TPM3: variants seen among roughly 807,000 people sequenced by gnomAD.
The protein encoded by TPM3 is tropomyosin 3, also known as tropomyosin alpha-3 chain.
In TPM3, 16 loss-of-function variants were observed where a neutral mutation model predicts 43.1. That is an observed-to-expected ratio of 0.37 (90% CI 0.25 to 0.56). The LOEUF is 0.56. Ranked by LOEUF, TPM3 falls within the 20% of genes least tolerant of loss-of-function variation. The pLI is 0.77. For synonymous variants in TPM3, 101 were observed against 116.9 expected, an observed-to-expected ratio of 0.86 and a Z score of 0.88; for missense variants, 176 against 337.2, an observed-to-expected ratio of 0.52 and a Z score of 3.74.
chr1:154,183,535 A>G (rs775259994), intron 2 of TPM3: 19 of 365,572 alleles, frequency 5.2e-5, no homozygotes, highest in South Asian at 1.7e-4. Flanking sequence ...CACTCCCGCA[A>G]TGCCGATACC....
In TPM3 at chr1:154,161,905, T is replaced by G. The variant is rs544220891; in HGVS notation, c.*6032A>C. ...GTCAGAAAGACAAATGCAGCTGTTC[T>G]CTCACTTTGAACTTAGTTTCTAACT... On this transcript the variant is annotated 3_prime_UTR_variant, in exon 10 of 10. Coordinates refer to ENST00000651641, the MANE Select transcript of TPM3 (RefSeq NM_152263.4). 6.6e-6 allele frequency among the ~76,000 whole-genome samples: 1 copy of G among 152,306 alleles called. No homozygotes were observed. The highest frequency in any genetic ancestry group is 6.5e-5 in the Admixed American group (1 of 15,300).
intron 2 of TPM3, chr1:154,187,585 CTA>C: frequency 1.1e-6 from 1 of 871,434 alleles, no homozygotes; most frequent in Non-Finnish European, 1.4e-6. Flanking sequence ...GTGAGGGGTG[CTA>C]TGTGTGTGTA....
chr1:154,185,725 AAAAC>A (rs1251386505), intron 2 of TPM3, among the ~76,000 whole-genome samples: 1 of 151,170 alleles, frequency 6.6e-6, no homozygotes, highest in African/African-American at 2.5e-5. Flanking sequence ...AAAAAAAAGA[AAAAC>A]AACAAAAAAA....
At chr1:154,188,000 G>A (rs1663482799) in intron 2 of TPM3, among the ~76,000 whole-genome samples, 1 of 151,504 alleles carries the variant, frequency 6.6e-6, no homozygotes, top group Admixed American at 6.6e-5. Context: ...AGATTTGGTA[G>A]GGTTGTTTGT....
intron 2 of TPM3, among the ~76,000 whole-genome samples, chr1:154,186,652 G>A (rs1415472143): frequency 6.6e-6 from 1 of 151,424 alleles, no homozygotes; most frequent in African/African-American, 2.5e-5. Context: ...ATTTCATCTT[G>A]GATTAAAATG....
At chr1:154,175,134 A>G (rs1341201955) in intron 3 of TPM3, among the ~76,000 whole-genome samples, 1 of 152,072 alleles carries the variant, frequency 6.6e-6, no homozygotes, top group Non-Finnish European at 1.5e-5. Flanking sequence ...GATCAAGACC[A>G]TCCTGGCTAA....
chr1:154,182,242 G>A (rs899250660), intron 2 of TPM3, among the ~76,000 whole-genome samples: 1 of 152,182 alleles, frequency 6.6e-6, no homozygotes, highest in Non-Finnish European at 1.5e-5. Context: ...GGCAAGTTTG[G>A]TTGGCTCCTA....
intron 8 of TPM3, chr1:154,170,051 G>A: frequency 3.2e-6 from 1 of 313,346 alleles, no homozygotes; most frequent in Non-Finnish European, 6.1e-6. Flanking sequence ...GCCATGAAAT[G>A]ACATACATCT....
downstream of TPM3, among the ~76,000 whole-genome samples, chr1:154,158,303 G>A (rs1660011024): frequency 6.6e-6 from 1 of 152,198 alleles, no homozygotes; most frequent in Non-Finnish European, 1.5e-5. Flanking sequence ...CCTTGAGATT[G>A]CTGCAGAGCT....
At chr1:154,183,122 T>C in intron 2 of TPM3, 1 of 1,598,304 alleles carries the variant, frequency 6.3e-7, no homozygotes, top group Non-Finnish European at 8.5e-7. Flanking sequence ...CCAGCCATGG[T>C]GCCCACCCAG....
chr1:154,178,865 G>T (rs1558055942), intron 2 of TPM3, among the ~76,000 whole-genome samples: 1 of 152,160 alleles, frequency 6.6e-6, no homozygotes, highest in South Asian at 2.1e-4. Flanking sequence ...AAAGATCCTG[G>T]GTGAGGGATT....
chr1:154,179,885 A>G (rs1662760859), intron 2 of TPM3, among the ~76,000 whole-genome samples: 1 of 152,224 alleles, frequency 6.6e-6, no homozygotes, highest in South Asian at 2.1e-4. Context: ...TTTTTAGACT[A>G]GAAAAAAATT....
At chr1:154,173,865 T>C (rs1210692291) in intron 3 of TPM3, among the ~76,000 whole-genome samples, 1 of 151,310 alleles carries the variant, frequency 6.6e-6, no homozygotes, top group African/African-American at 2.4e-5. Flanking sequence ...GGCAAGCACC[T>C]GTAATCCCAT....
rs886045306 is a variant in TPM3, at chr1:154,165,717, A to G, written c.*2220T>C. ...GGTGGGAGAACTGCTTGAACCCAGG[A>G]GGCAGAGGTTGCAGTGAGCTGAGAT... On this transcript the variant is annotated 3_prime_UTR_variant, in exon 10 of 10. Coordinates refer to ENST00000651641, the MANE Select transcript of TPM3 (RefSeq NM_152263.4). Among the ~76,000 whole-genome samples, 7 of 149,634 alleles carry G rather than the reference A, an allele frequency of 4.7e-5. No individual in the cohort carries two copies. The highest frequency in any genetic ancestry group is 2.1e-4 in the South Asian group (1 of 4,694).
At chr1:154,176,755 G>A (rs567267574) in intron 2 of TPM3, among the ~76,000 whole-genome samples, 6 of 152,022 alleles carry the variant, frequency 3.9e-5, no homozygotes, top group African/African-American at 1.4e-4. Flanking sequence ...TGGGGCGGGT[G>A]GATCATGAGG....
intron 2 of TPM3, among the ~76,000 whole-genome samples, chr1:154,182,379 G>A (rs1032802168): frequency 6.6e-6 from 1 of 152,212 alleles, no homozygotes; most frequent in Non-Finnish European, 1.5e-5. Flanking sequence ...AGGATGAGAG[G>A]CGGTCCTGTG....
At chr1:154,158,881 T>C (rs1660072753), downstream of TPM3, 1 of 764,832 alleles carries the variant, frequency 1.3e-6, no homozygotes, top group Non-Finnish European at 2.4e-6. Context: ...ATAATAACTT[T>C]TAAAAAGACA....
chr1:154,155,707 C>T (rs181731316), downstream of TPM3: 18 of 228,420 alleles, frequency 7.9e-5, no homozygotes, highest in African/African-American at 3.3e-4. Context: ...TAAAACCACG[C>T]ATTTATAGTA....
At chr1:154,161,437 C>CTT (rs966387714), downstream of TPM3, among the ~76,000 whole-genome samples, 586 of 113,378 alleles carry the variant, frequency 5.2e-3, 8 homozygotes, top group African/African-American at 0.018. Context: ...TATCAGGATC[C>CTT]TTTTTTTTTT....
Sources: allele counts gnomAD v4.1 joint callset (sites outside exome capture counted in the v4.1 genomes callset), GRCh38; gene constraint gnomAD v4.1.1; transcripts MANE v1.5; gene names NCBI Gene and HGNC (gene_info 2026-07-23, HGNC 2026-07-21).